The following PLEKHG7 variants were observed in gnomAD, a reference collection of about 807,000 sequenced individuals.
The protein encoded by PLEKHG7 is pleckstrin homology and RhoGEF domain containing G7.
In PLEKHG7, 77 loss-of-function variants were observed where a neutral mutation model predicts 85.2. That is an observed-to-expected ratio of 0.90 (90% CI 0.75 to 1.09). The LOEUF (loss-of-function observed/expected upper bound fraction) is 1.09, where lower values mean the gene tolerates loss of function less well. Among genes scored for constraint, PLEKHG7 ranks in the 50% least tolerant of loss-of-function variants. The pLI, the probability that PLEKHG7 is intolerant of heterozygous loss-of-function variation, is 0.00. For synonymous variants in PLEKHG7, 301 were observed against 302.4 expected (o/e 1.00, Z 0.05); for missense variants, 777 against 804.3 (o/e 0.97, Z 0.41).
chr12:92,752,676 G>T (rs1872723501), intron 10 of PLEKHG7, among the ~76,000 whole-genome samples: 1 of 152,204 alleles, frequency 6.6e-6, no homozygotes, highest in Non-Finnish European at 1.5e-5. Flanking sequence ...AAGGAGAATG[G>T]AAGGTGGAAA....
In PLEKHG7 at chr12:92,770,214, A is replaced by G. The variant is rs780322087; in HGVS notation, c.*19A>G. ...AATTTAGGGACCTAAAACAAGTGGCATGTCTTTTTAGAAGATTATGGTTTA... is the reference window on the plus strand; with the variant it reads ...AATTTAGGGACCTAAAACAAGTGGCGTGTCTTTTTAGAAGATTATGGTTTA... On this transcript the variant is annotated 3_prime_UTR_variant, in exon 17 of 17. Transcript: ENST00000344636. 6.7e-7 allele frequency: 1 copy of G among 1,496,092 alleles called. No individual in the cohort carries two copies. Among genetic ancestry groups the G allele is most frequent in the East Asian group, 2.3e-5 (1 of 43,896 alleles). 92.7% of individuals were successfully genotyped at this position (1,496,092 alleles called of 1,614,324 possible).
intron 9 of PLEKHG7, among the ~76,000 whole-genome samples, chr12:92,742,197 C>T (rs1270730869): frequency 6.6e-6 from 1 of 152,182 alleles, no homozygotes; most frequent in Non-Finnish European, 1.5e-5. Context: ...TTGAGATTTA[C>T]TGAGAACCTC....
At chr12:92,707,312 G>A in intron 2 of PLEKHG7, 174 bp downstream of exon 2, 2 of 1,429,782 alleles carry the variant, frequency 1.4e-6, no homozygotes, top group South Asian at 1.6e-5. Context: ...GTGAAAGGAG[G>A]GCAGCAATCT....
chr12:92,754,042 C>G, intron 10 of PLEKHG7, 48 bp from the exon 11 acceptor site: 1 of 1,578,572 alleles, frequency 6.3e-7, no homozygotes, highest in Non-Finnish European at 8.7e-7. Flanking sequence ...CTTAGTGGCT[C>G]AGTGGGAGAG....
At chr12:92,714,877 G>A (rs186097689) in intron 3 of PLEKHG7, among the ~76,000 whole-genome samples, 31 of 152,076 alleles carry the variant, frequency 2.0e-4, no homozygotes, top group Middle Eastern at 3.4e-3. Flanking sequence ...AGCATTTTTC[G>A]GTCTAATCAT....
intron 13 of PLEKHG7, among the ~76,000 whole-genome samples, chr12:92,759,896 A>AAGAT (rs1361594797): frequency 6.6e-6 from 1 of 152,214 alleles, no homozygotes; most frequent in African/African-American, 2.4e-5. Flanking sequence ...CAGGTTAAAA[A>AAGAT]AGATAGTTTA....
chr12:92,768,831 T>A lies in PLEKHG7; in HGVS notation c.1871-152T>A, dbSNP rs915345841. ...GGGGTCTTGGCATTGAAATAAAATT[T>A]AAAAAAAAATTATAAGCTAGATAAA... On this transcript the variant is annotated intron_variant, in intron 15 of 16. Transcript: ENST00000344636. The A allele has an allele frequency of 1.7e-4, 87 of 521,812 alleles. 2 individuals are homozygous for A. Among genetic ancestry groups the A allele is most frequent in the East Asian group, 8.3e-4 (25 of 30,284 alleles). 32.3% of individuals were successfully genotyped at this position (521,812 alleles called of 1,614,324 possible). A position where few individuals can be genotyped will look rare whatever the true frequency, so the allele number is the denominator to read the frequency against.
intron 10 of PLEKHG7, among the ~76,000 whole-genome samples, chr12:92,746,685 C>A (rs1317671602): frequency 3.9e-5 from 6 of 152,270 alleles, no homozygotes; most frequent in African/African-American, 7.2e-5. Flanking sequence ...TAACAAGGTC[C>A]AACTATTGTT....
In PLEKHG7 at chr12:92,756,370, G is replaced by GA; in HGVS notation, c.1617dup (p.Gly540ArgfsTer21). 11 of 1,612,010 alleles carry GA rather than the reference G, an allele frequency of 6.8e-6. No individual in the cohort carries two copies. Among genetic ancestry groups the GA allele is most frequent in the Non-Finnish European group, 9.3e-6 (11 of 1,178,052 alleles). ...ACCAACCAGCAGACACCTTCTCTAT[G>GA]AAGGAAAATTAACTCTTGCAGGTAA... On this transcript the variant is annotated frameshift_variant, in exon 13 of 17. Coordinates refer to ENST00000344636, the MANE Select transcript of PLEKHG7 (RefSeq NM_001377329.1). LOFTEE classifies it high-confidence loss of function.
chr12:92,764,596 C>T (rs920318737), intron 15 of PLEKHG7, among the ~76,000 whole-genome samples: 1 of 151,822 alleles, frequency 6.6e-6, no homozygotes, highest in Non-Finnish European at 1.5e-5. Flanking sequence ...ACCAGACGTG[C>T]AAGAGTAAGA....
intron 10 of PLEKHG7, 95 bp from the exon 11 acceptor site, chr12:92,753,995 T>C (rs1725807910): frequency 7.8e-7 from 1 of 1,279,740 alleles, no homozygotes; most frequent in African/African-American, 1.5e-5. Flanking sequence ...CTGCAGTTAC[T>C]GAGTAAAATC....
At chr12:92,753,240 T>G (rs1447734097) in intron 10 of PLEKHG7, among the ~76,000 whole-genome samples, 2 of 152,148 alleles carry the variant, frequency 1.3e-5, no homozygotes, top group Non-Finnish European at 2.9e-5. Context: ...TCCTTCCTGA[T>G]GTACCCATCT....
chr12:92,737,488 C>G lies in PLEKHG7; in HGVS notation c.906C>G (p.Thr302=), dbSNP rs754378060. ...AVWELFTSEC[T]YFLDHLLVLK... The stretch of plus-strand genomic sequence containing the variant: ...GGGAACTTTTCACAAGTGAATGCAC[C>G]TATTTTTTGGACCATTTATTAGTTC... The change falls in exon 7 of 17, where the codon ACC becomes ACG. Residue 302 remains threonine, a synonymous_variant. Coordinates refer to ENST00000344636, the MANE Select transcript of PLEKHG7 (RefSeq NM_001377329.1). 6.2e-7 allele frequency: 1 copy of G among 1,603,174 alleles called. No homozygotes were observed.
In PLEKHG7 at chr12:92,771,819, T is replaced by TA. The variant is rs1208757926; in HGVS notation, c.*1625dup. ...CCCATGAATCCAGCAACCACAGACTTACATGTATAAAGGTAGTTTTCTCCC... is the reference window on the plus strand; with the variant it reads ...CCCATGAATCCAGCAACCACAGACTTAACATGTATAAAGGTAGTTTTCTCCC... On this transcript the variant is annotated 3_prime_UTR_variant, in exon 17 of 17. Transcript: ENST00000344636. 4 of 151,946 alleles carry TA rather than the reference T, an allele frequency of 2.6e-5. No homozygotes were observed. The highest frequency in any genetic ancestry group is 6.6e-5 in the Admixed American group (1 of 15,212). The allele number at this position is 151,946 out of a possible 1,614,324, so 9.4% of individuals were successfully genotyped here. A position where few individuals can be genotyped will look rare whatever the true frequency, so the allele number is the denominator to read the frequency against.
chr12:92,721,387 C>A, intron 3 of PLEKHG7: 1 of 1,130,456 alleles, frequency 8.8e-7, no homozygotes, highest in Non-Finnish European at 1.1e-6. Context: ...TTTCTCAGCC[C>A]ACACCATGGA....
intron 10 of PLEKHG7, among the ~76,000 whole-genome samples, chr12:92,746,969 C>T (rs1872551488): frequency 6.6e-6 from 1 of 151,944 alleles, no homozygotes; most frequent in South Asian, 2.1e-4. Flanking sequence ...CATTGGTCTA[C>T]ACAAATATTT....
In PLEKHG7 at chr12:92,741,592, G is replaced by C. The variant is rs1191998494; in HGVS notation, c.1137G>C (p.Lys379Asn). The change falls in exon 9 of 17, where the codon AAG (lysine) becomes AAC (asparagine). Residue 379 changes from lysine to asparagine, a missense_variant and splice_region_variant. By Grantham distance (94) the Lys-to-Asn change is moderately conservative (BLOSUM62 0). Around this residue, in one of 3 missense-constraint regions of PLEKHG7, gnomAD observed 520 missense variants for 544.0 expected, o/e 0.96. Coordinates refer to ENST00000344636, the MANE Select transcript of PLEKHG7 (RefSeq NM_001377329.1). ...TGGATTTTATTTCCGTGCTCACAAAGGTAAACTCCTTCTGGGAGACCTCAG... is the reference window on the plus strand; with the variant it reads ...TGGATTTTATTTCCGTGCTCACAAACGTAAACTCCTTCTGGGAGACCTCAG... ...SSLDFISVLT[K>N]YFRGSLCQSH... The C allele has an allele frequency of 1.2e-6, 2 of 1,609,468 alleles. No individual in the cohort carries two copies. Among genetic ancestry groups the C allele is most frequent in the East Asian group, 2.2e-5 (1 of 44,714 alleles).
chr12:92,733,983 T>C (rs552089539), intron 5 of PLEKHG7, among the ~76,000 whole-genome samples: 1 of 152,258 alleles, frequency 6.6e-6, no homozygotes, highest in East Asian at 1.9e-4. Flanking sequence ...GTTGGCACTA[T>C]GTTGGAGGGA....
rs1488037072 is a variant in PLEKHG7, at chr12:92,756,329, C to A, written c.1574C>A (p.Ala525Glu). Reference protein sequence around the residue: ...CLKHIFKEHMAENILSPTSRH... With the variant: ...CLKHIFKEHMEENILSPTSRH... Reference sequence around the variant, plus strand: ...AAACACATTTTTAAAGAACACATGGCAGAAAACATCTTGTCACCAACCAGC... The same window carrying A: ...AAACACATTTTTAAAGAACACATGGAAGAAAACATCTTGTCACCAACCAGC... The change falls in exon 13 of 17, where the codon GCA (alanine) becomes GAA (glutamate). Residue 525 changes from alanine (A) to glutamate (E), a missense_variant. Ala to Glu is a moderately radical substitution (Grantham distance 107). Around this residue, in one of 3 missense-constraint regions of PLEKHG7, gnomAD observed 520 missense variants for 544.0 expected, o/e 0.96. Coordinates refer to ENST00000344636, the MANE Select transcript of PLEKHG7 (RefSeq NM_001377329.1). 6.2e-7 allele frequency: 1 copy of A among 1,612,452 alleles called. No homozygotes were observed. Among genetic ancestry groups the A allele is most frequent in the Non-Finnish European group, 8.5e-7 (1 of 1,178,654 alleles).
Sources: gnomAD v4.1 joint callset for allele counts (sites outside exome capture counted in the v4.1 genomes callset) on GRCh38, gnomAD v4.1.1 for gene constraint, gnomAD v4.1.1 regional missense constraint, MANE v1.5 for transcripts, NCBI Gene and HGNC (gene_info 2026-07-23, HGNC 2026-07-21) for gene names.